KCNIP4: variants seen among roughly 807,000 people sequenced by gnomAD.
KCNIP4 encodes potassium voltage-gated channel interacting protein 4.
In KCNIP4, 12 loss-of-function variants were observed where a neutral mutation model predicts 34.0. The observed-to-expected ratio is 0.35, with a 90% CI of 0.23 to 0.57. The LOEUF (loss-of-function observed/expected upper bound fraction) is 0.57, where lower values mean the gene tolerates loss of function less well. Among genes scored for constraint, KCNIP4 ranks in the 20% least tolerant of loss-of-function variants. KCNIP4 has a pLI of 0.83. For synonymous variants in KCNIP4, 124 were observed against 102.2 expected, an observed-to-expected ratio of 1.21 and a Z score of -1.29; for missense variants, 238 against 311.7, an observed-to-expected ratio of 0.76 and a Z score of 1.78.
At chr4:21,114,971 T>C (rs6448017) in intron 1 of KCNIP4, among the ~76,000 whole-genome samples, 71,158 of 151,984 alleles carry the variant, frequency 0.47, 17,539 homozygotes, top group African/African-American at 0.63. Context: ...AAACAAAACT[T>C]AAGATTTATA....
At position 21,232,648 on chromosome 4, in the gene KCNIP4, G is replaced by T. The variant is rs550005531; in HGVS notation, c.62-349939C>A. Reference sequence around the variant, plus strand: ...ATTCATTGCTGATGAAATTATAGAAGAATTTATTTCATTCATTTATTCATA... The same window carrying T: ...ATTCATTGCTGATGAAATTATAGAATAATTTATTTCATTCATTTATTCATA... On this transcript the variant is annotated intron_variant, in intron 1 of 8. Transcript: ENST00000382152. 3.1e-4 allele frequency among the ~76,000 whole-genome samples: 47 copies of T among 152,072 alleles called. 1 individual carries two copies. The highest frequency in any genetic ancestry group is 5.4e-4 in the Non-Finnish European group (37 of 68,024).
chr4:21,527,070 T>A (rs1736029872), intron 1 of KCNIP4, among the ~76,000 whole-genome samples: 1 of 152,206 alleles, frequency 6.6e-6, no homozygotes, highest in Admixed American at 6.5e-5. Context: ...TATAACATTT[T>A]AAAACTCATT....
chr4:21,859,598 A>G (rs897809537), intron 1 of KCNIP4, among the ~76,000 whole-genome samples: 10 of 150,852 alleles, frequency 6.6e-5, no homozygotes, highest in Admixed American at 6.0e-4. Context: ...ACTGCACTTC[A>G]GCCTGGGCGA....
intron 1 of KCNIP4, among the ~76,000 whole-genome samples, chr4:21,015,877 T>A (rs1363782364): frequency 1.4e-5 from 2 of 140,620 alleles, no homozygotes; most frequent in Non-Finnish European, 1.5e-5. Flanking sequence ...TAAAAATATA[T>A]AAATATATAC....
intron 1 of KCNIP4, among the ~76,000 whole-genome samples, chr4:21,344,148 G>A (rs1236543856): frequency 6.6e-6 from 1 of 152,186 alleles, no homozygotes; most frequent in Non-Finnish European, 1.5e-5. Flanking sequence ...AGAATTAGTG[G>A]TGGATTTTCC....
chr4:21,695,642 C>T (rs986769036), intron 1 of KCNIP4, among the ~76,000 whole-genome samples: 7 of 152,028 alleles, frequency 4.6e-5, no homozygotes, highest in Admixed American at 6.6e-5. Context: ...TTACCATTTT[C>T]GTAAAATTCT....
intron 1 of KCNIP4, among the ~76,000 whole-genome samples, chr4:21,125,868 T>A (rs1750572265): frequency 1.3e-5 from 2 of 152,164 alleles, no homozygotes; most frequent in South Asian, 4.1e-4. Context: ...AGGAGCACAC[T>A]ATAACCTTTT....
intron 1 of KCNIP4, among the ~76,000 whole-genome samples, chr4:21,933,933 G>T (rs751126860): frequency 6.6e-6 from 1 of 151,984 alleles, no homozygotes; most frequent in Non-Finnish European, 1.5e-5. Flanking sequence ...CTCTGGGTTG[G>T]CAGACACCCA....
chr4:21,606,696 C>A (rs1297523910), intron 1 of KCNIP4, among the ~76,000 whole-genome samples: 1 of 152,098 alleles, frequency 6.6e-6, no homozygotes, highest in Non-Finnish European at 1.5e-5. Flanking sequence ...CGGGTTCAAT[C>A]GATTCTCCTG....
At chr4:21,086,564 A>C (rs1746450179) in intron 1 of KCNIP4, among the ~76,000 whole-genome samples, 1 of 152,208 alleles carries the variant, frequency 6.6e-6, no homozygotes, top group South Asian at 2.1e-4. Flanking sequence ...ATAATTTGAC[A>C]CAGGAAGGTT....
chr4:21,074,528 T>C (rs1245676592), intron 1 of KCNIP4, among the ~76,000 whole-genome samples: 1 of 152,182 alleles, frequency 6.6e-6, no homozygotes, highest in African/African-American at 2.4e-5. Context: ...CCTTCTCTCT[T>C]TTCTTCTTTA....
At chr4:20,954,207 C>G (rs1382654818) in intron 1 of KCNIP4, among the ~76,000 whole-genome samples, 1 of 152,012 alleles carries the variant, frequency 6.6e-6, no homozygotes, top group African/African-American at 2.4e-5. Context: ...GTTCACAATC[C>G]AAAAGCAAGC....
At chr4:21,836,076 G>T (rs1723301307) in intron 1 of KCNIP4, among the ~76,000 whole-genome samples, 1 of 152,136 alleles carries the variant, frequency 6.6e-6, no homozygotes, top group South Asian at 2.1e-4. Context: ...GGGTGGACTG[G>T]TTGTGAGACT....
chr4:20,900,560 AACAATTAGTTTTCCACTAAAG>A lies in KCNIP4; in HGVS notation c.62-17872_62-17852del, dbSNP rs533395620. On this transcript the variant is annotated intron_variant, in intron 1 of 8. Coordinates refer to ENST00000382152, the MANE Select transcript of KCNIP4 (RefSeq NM_025221.6). ...ATCATGACTTTTTCAAGATTCCCAA[AACAATTAGTTTTCCACTAAAG>A]CAATCTGAAGTGCCAGATCCTGGCA... Among the ~76,000 whole-genome samples the A allele has an allele frequency of 4.7e-3, 722 of 152,266 alleles. 8 individuals carry two copies. The highest frequency in any genetic ancestry group is 0.016 in the African/African-American group (678 of 41,548).
At chr4:21,943,548 A>G (rs1457620893) in intron 1 of KCNIP4, among the ~76,000 whole-genome samples, 1 of 152,170 alleles carries the variant, frequency 6.6e-6, no homozygotes, top group Non-Finnish European at 1.5e-5. Flanking sequence ...TCAAAAGAAA[A>G]GAAAGAAAGA....
In KCNIP4 at chr4:20,750,058, G is replaced by T. The variant is rs1483513263; in HGVS notation, c.359-326C>A. On this transcript the variant is annotated intron_variant, in intron 4 of 8. Transcript: ENST00000382152. ...GAAGATTGAGACTTGTCTGGAATTT[G>T]CTTAGTGTTTGGAAGAGACCATCTC... Among the ~76,000 whole-genome samples the T allele has an allele frequency of 3.3e-5, 5 of 152,190 alleles. No homozygotes were observed. In the South Asian group the frequency reaches 6.2e-4, roughly 19 times the overall value.
chr4:21,753,381 C>T (rs1157159412), intron 1 of KCNIP4, among the ~76,000 whole-genome samples: 2 of 152,180 alleles, frequency 1.3e-5, no homozygotes, highest in Non-Finnish European at 2.9e-5. Context: ...TATTGGGTAT[C>T]ACCAAGTAAA....
In KCNIP4 at chr4:20,882,690, G is replaced by A. The variant is rs1487593720; in HGVS notation, c.81C>T (p.Asn27=). ...GCTCTTTAATGCTGCGCTTGGTGCT[G>A]TTCTGAGCGTACAGGAAACCTAGAA... ...SSTGGFLYAQ[N]STKRSIKERL... The change falls in exon 2 of 9, where the codon AAC becomes AAT. Residue 27 remains asparagine, a synonymous_variant. Transcript: ENST00000382152. The A allele has an allele frequency of 1.2e-6, 2 of 1,613,328 alleles. No individual in the cohort carries two copies. The highest frequency in any genetic ancestry group is 1.7e-6 in the Non-Finnish European group (2 of 1,179,686).
chr4:21,769,186 C>A (rs994867609), intron 1 of KCNIP4, among the ~76,000 whole-genome samples: 1 of 151,578 alleles, frequency 6.6e-6, no homozygotes, highest in Non-Finnish European at 1.5e-5. Flanking sequence ...TTAAAAAAAA[C>A]TACTCCAATC....
Sources: gnomAD v4.1 joint callset for allele counts (sites outside exome capture counted in the v4.1 genomes callset) on GRCh38, gnomAD v4.1.1 for gene constraint, MANE v1.5 for transcripts, NCBI Gene and HGNC (gene_info 2026-07-23, HGNC 2026-07-21) for gene names.